The following TMPRSS2 variants were observed in gnomAD, a reference collection of about 807,000 sequenced individuals.
TMPRSS2 encodes transmembrane serine protease 2, also known as transmembrane protease serine 2.
A neutral mutation model predicts 67.4 loss-of-function variants in TMPRSS2; 59 were observed. The observed-to-expected ratio is 0.88, with a 90% confidence interval of 0.71 to 1.09. The LOEUF (loss-of-function observed/expected upper bound fraction) is 1.09, where lower values mean the gene tolerates loss of function less well. Ranked by LOEUF, TMPRSS2 falls within the 50% of genes least tolerant of loss-of-function variation. TMPRSS2 has a pLI of 0.00. For missense variants in TMPRSS2, 668 were observed against 642.7 expected (o/e 1.04, Z -0.43); for synonymous variants, 257 against 257.0 (o/e 1.00, Z 0.00).
At position 41,471,979 on chromosome 21, in the gene TMPRSS2, G is replaced by A. The variant is rs561063944; in HGVS notation, c.902C>T (p.Pro301Leu). Residue 301 changes from proline (P) to leucine (L), a missense_variant and splice_region_variant, in exon 10 of 14, where the codon CCT (proline) becomes CTT (leucine). Coordinates refer to ENST00000332149, the MANE Select transcript of TMPRSS2 (RefSeq NM_005656.4). ...CGTCCAATGCCATGGATTGTTAAGA[G>A]GTCTGGGAGAGAAGAAGGACTCAGT... ...IVTAAHCVEKPLNNPWHWTAF... is the reference protein window; with the variant it reads ...IVTAAHCVEKLLNNPWHWTAF... 1.4e-5 allele frequency: 23 copies of A among 1,595,778 alleles called. No individual in the cohort carries two copies. The African/African-American group carries it at 2.4e-4, about 17-fold the overall frequency.
chr21:41,480,380 T>A (rs2091247502), intron 6 of TMPRSS2, 96 bp downstream of exon 6: 2 of 1,548,808 alleles, frequency 1.3e-6, no homozygotes, highest in Non-Finnish European at 1.7e-6. Context: ...TCCCCAGCAC[T>A]CATGTGCCGG....
At position 41,469,201 on chromosome 21, in the gene TMPRSS2, G is replaced by A. The variant is rs114549926; in HGVS notation, c.1172-663C>T. On this transcript the variant is annotated intron_variant, in intron 11 of 13. Transcript: ENST00000332149. Reference sequence around the variant, plus strand: ...CACCCTGGGGCTTCAGCCACAGAGTGGAAAGCCATCGTCCCTGACTTCTCA... The same window carrying A: ...CACCCTGGGGCTTCAGCCACAGAGTAGAAAGCCATCGTCCCTGACTTCTCA... Among the ~76,000 whole-genome samples the A allele has an allele frequency of 7.3e-3, 1,115 of 152,198 alleles. 7 individuals carry two copies. Among genetic ancestry groups the A allele is most frequent in the African/African-American group, 0.02 (822 of 41,524 alleles).
At chr21:41,497,877 T>C (rs2091395822) in intron 2 of TMPRSS2, among the ~76,000 whole-genome samples, 1 of 152,184 alleles carries the variant, frequency 6.6e-6, no homozygotes, top group African/African-American at 2.4e-5. Context: ...AGGGATGAGG[T>C]CAAGGTGAGA....
chr21:41,473,778 G>C (rs374850529), intron 8 of TMPRSS2, among the ~76,000 whole-genome samples: 1 of 150,668 alleles, frequency 6.6e-6, no homozygotes, highest in Non-Finnish European at 1.5e-5. Flanking sequence ...AGGCCCTGGG[G>C]ACTCCTTGAG....
intron 3 of TMPRSS2, among the ~76,000 whole-genome samples, chr21:41,492,994 C>A (rs1331853072): frequency 6.6e-6 from 1 of 152,210 alleles, no homozygotes; most frequent in Non-Finnish European, 1.5e-5. Flanking sequence ...CGATATTTTA[C>A]CTGGAGGATT....
At chr21:41,477,944 A>G (rs1009666060) in intron 7 of TMPRSS2, among the ~76,000 whole-genome samples, 1 of 150,746 alleles carries the variant, frequency 6.6e-6, no homozygotes, top group African/African-American at 2.4e-5. Context: ...TCTTTCTTCC[A>G]AGCCCTCCAG....
At chr21:41,490,019 G>T (rs1371040571) in intron 3 of TMPRSS2, among the ~76,000 whole-genome samples, 5 of 151,844 alleles carry the variant, frequency 3.3e-5, no homozygotes, top group African/African-American at 1.2e-4. Flanking sequence ...GTGGTGGCAG[G>T]TGCCTGTAAT....
chr21:41,491,478 A>C (rs1365842932), intron 3 of TMPRSS2, among the ~76,000 whole-genome samples: 2 of 152,188 alleles, frequency 1.3e-5, no homozygotes, highest in Admixed American at 1.3e-4. Context: ...CTCACAGATG[A>C]GGCCAGCACC....
At position 41,467,907 on chromosome 21, in the gene TMPRSS2, C is replaced by G. The variant is rs377672738; in HGVS notation, c.1315-21G>C. The G allele has an allele frequency of 3.1e-6, 5 of 1,613,744 alleles. No homozygotes were observed. The African/African-American group carries it at 5.3e-5, about 17-fold the overall frequency. On this transcript the variant is annotated intron_variant, in intron 12 of 13. Transcript: ENST00000332149. ...TCACCCTGTGGGACACAGCAAGGTA[C>G]AGAGAGCAGAAAATCAAGTCACAAT...
At chr21:41,480,400 A>T in intron 6 of TMPRSS2, 76 bp downstream of exon 6, 2 of 1,575,772 alleles carry the variant, frequency 1.3e-6, no homozygotes, top group South Asian at 2.3e-5. Context: ...GTGCTTTCAC[A>T]GGGAGGCAGA....
chr21:41,507,855 G>A (rs2091469250), intron 1 of TMPRSS2: 1 of 1,376,754 alleles, frequency 7.3e-7, no homozygotes, highest in Admixed American at 2.7e-5. Flanking sequence ...GCTCTCGGCC[G>A]TGCGCAAGGG....
chr21:41,465,829 G>A lies in TMPRSS2; in HGVS notation c.*313C>T, dbSNP rs996615575. ...GACAGCTCCATGCTCATCCAAAATT[G>A]GCCCCTGGAAAGGACTCAGCAGGAA... On this transcript the variant is annotated 3_prime_UTR_variant, in exon 14 of 14. Transcript: ENST00000332149. 1 of 409,654 alleles carries A rather than the reference G, an allele frequency of 2.4e-6. No homozygotes were observed. Among genetic ancestry groups the A allele is most frequent in the South Asian group, 5.7e-5 (1 of 17,658 alleles). The allele number at this position is 409,654 out of a possible 1,614,324, so 25.4% of individuals were successfully genotyped here.
In TMPRSS2 at chr21:41,470,631, C is replaced by T. The variant is rs1252052300; in HGVS notation, c.1171+17G>A. The stretch of plus-strand genomic sequence containing the variant: ...TCTGTGGGCCCTGCAGTCCTGTGTG[C>T]CCAGGAGCAGCCTCACCTTTCTCCT... On this transcript the variant is annotated intron_variant, in intron 11 of 13. Transcript: ENST00000332149. The T allele has an allele frequency of 1.9e-6, 3 of 1,611,444 alleles. No homozygotes were observed. The highest frequency in any genetic ancestry group is 1.7e-6 in the Non-Finnish European group (2 of 1,178,964).
intron 5 of TMPRSS2, among the ~76,000 whole-genome samples, chr21:41,481,427 T>C (rs2091256381): frequency 6.6e-6 from 1 of 152,156 alleles, no homozygotes; most frequent in African/African-American, 2.4e-5. Flanking sequence ...GTAGGAAATC[T>C]ATAGACACTA....
chr21:41,476,333 T>C (rs1368225440), intron 8 of TMPRSS2, among the ~76,000 whole-genome samples: 1 of 152,154 alleles, frequency 6.6e-6, no homozygotes, highest in Non-Finnish European at 1.5e-5. Flanking sequence ...TAGGGCTTTG[T>C]CAGCTTCTTG....
intron 1 of TMPRSS2, among the ~76,000 whole-genome samples, chr21:41,501,689 C>T (rs1266379387): frequency 3.3e-5 from 5 of 151,862 alleles, no homozygotes; most frequent in Non-Finnish European, 7.4e-5. Flanking sequence ...GGGAATGTCC[C>T]GCTCTGACAT....
intron 1 of TMPRSS2, chr21:41,502,454 G>T: frequency 1.0e-6 from 1 of 985,410 alleles, no homozygotes; most frequent in Non-Finnish European, 1.2e-6. Flanking sequence ...TGCTGGAGGT[G>T]TGAGAGGGAA....
At chr21:41,501,608 CAAAAAAAAAAAAA>C (rs57394908) in intron 1 of TMPRSS2, among the ~76,000 whole-genome samples, 1 of 86,534 alleles carries the variant, frequency 1.2e-5, no homozygotes, top group Non-Finnish European at 2.3e-5. Context: ...GACTCTGTCT[CAAAAAAAAAAAAA>C]AAAAAAAAAA....
At chr21:41,496,988 G>A (rs1316996923) in intron 2 of TMPRSS2, among the ~76,000 whole-genome samples, 1 of 151,796 alleles carries the variant, frequency 6.6e-6, no homozygotes, top group Non-Finnish European at 1.5e-5. Flanking sequence ...TTACAGGCAT[G>A]CACCACCACA....
Sources: allele counts gnomAD v4.1 joint callset (sites outside exome capture counted in the v4.1 genomes callset), GRCh38; gene constraint gnomAD v4.1.1; transcripts MANE v1.5; gene names NCBI Gene and HGNC (gene_info 2026-07-23, HGNC 2026-07-21).